LTBP1: variants seen among roughly 807,000 people sequenced by gnomAD.
The protein encoded by LTBP1 is latent-transforming growth factor beta-binding protein 1.
A neutral mutation model predicts 207.6 loss-of-function variants in LTBP1; 129 were observed. The observed-to-expected ratio is 0.62, with a 90% CI of 0.54 to 0.72. LTBP1 has a LOEUF of 0.72. Ranked by LOEUF, LTBP1 falls within the 30% of genes least tolerant of loss-of-function variation. LTBP1 has a pLI of 0.00. For missense variants in LTBP1, 2,281 were observed against 2,217.2 expected, an observed-to-expected ratio of 1.03 and a Z score of -0.58; for synonymous variants, 963 against 833.7, an observed-to-expected ratio of 1.16 and a Z score of -2.67.
At chr2:33,233,424 T>C (rs2091894683) in intron 9 of LTBP1, among the ~76,000 whole-genome samples, 2 of 152,208 alleles carry the variant, frequency 1.3e-5, no homozygotes, top group Non-Finnish European at 2.9e-5. Flanking sequence ...TTCATTTAAC[T>C]GGTTAAGGTA....
intron 4 of LTBP1, among the ~76,000 whole-genome samples, chr2:33,118,661 A>C (rs1188047089): frequency 2.6e-5 from 4 of 152,238 alleles, no homozygotes; most frequent in African/African-American, 9.6e-5. Context: ...AATGTGGATG[A>C]ACAGGGTTCT....
At position 32,999,952 on chromosome 2, in the gene LTBP1, T is replaced by G. The variant is rs1034104406; in HGVS notation, c.566-20957T>G. On this transcript the variant is annotated intron_variant, in intron 2 of 33. Coordinates refer to ENST00000404816, the MANE Select transcript of LTBP1 (RefSeq NM_206943.4). ...GTATCTGGCACCAGGCCACAGTGCT[T>G]CTCACACCTGATGTATGTAAGAGTC... 1.2e-4 allele frequency among the ~76,000 whole-genome samples: 16 copies of G among 134,682 alleles called. 1 individual carries two copies. Among genetic ancestry groups the G allele is most frequent in the African/African-American group, 3.9e-4 (15 of 38,600 alleles). 88.4% of individuals were successfully genotyped at this position (134,682 alleles called of 152,430 possible). A position where few individuals can be genotyped will look rare whatever the true frequency, so the allele number is the denominator to read the frequency against.
At chr2:33,186,786 T>G in intron 5 of LTBP1, 70 bp from the exon 6 acceptor site, 1 of 1,197,734 alleles carries the variant, frequency 8.3e-7, no homozygotes. Flanking sequence ...TTTGCAGGTT[T>G]TGTTGGTTGA....
rs778030280 is a variant in LTBP1 at position 33,363,569 on chromosome 2, A to G, written c.4399+51A>G. The G allele has an allele frequency of 7.7e-6, 12 of 1,556,164 alleles. No homozygotes were observed. In the African/African-American group the frequency reaches 1.5e-4, roughly 19 times the overall value. On this transcript the variant is annotated intron_variant, in intron 29 of 33. Transcript: ENST00000404816. ...GTGTACTGTGAAAATATACAGATGG[A>G]AAAAATAACTATGCTATGTAGTAAA... is the stretch of plus-strand genomic sequence containing the variant.
chr2:33,236,793 A>G (rs934744911), intron 9 of LTBP1, among the ~76,000 whole-genome samples: 2 of 152,238 alleles, frequency 1.3e-5, no homozygotes, highest in African/African-American at 4.8e-5. Context: ...TCATGAATCC[A>G]AGACCAACAG....
intron 25 of LTBP1, among the ~76,000 whole-genome samples, chr2:33,347,043 G>A (rs752011373): frequency 2.6e-5 from 4 of 151,024 alleles, no homozygotes; most frequent in African/African-American, 7.3e-5. Flanking sequence ...GCGTGAACCC[G>A]GGAGGCAGAG....
In LTBP1 at chr2:32,985,325, C is replaced by T. The variant is rs78252363; in HGVS notation, c.566-35584C>T. 8.7e-3 allele frequency among the ~76,000 whole-genome samples: 1,322 copies of T among 152,230 alleles called. 8 individuals are homozygous for T. Among genetic ancestry groups the T allele is most frequent in the Middle Eastern group, 0.02 (6 of 294 alleles). ...GCTGACAGCTCTACATGGATTACTT[C>T]AGGTAATCGCTACAGTAAGCCCATG... On this transcript the variant is annotated intron_variant, in intron 2 of 33. Coordinates refer to ENST00000404816, the MANE Select transcript of LTBP1 (RefSeq NM_206943.4).
At chr2:33,220,371 T>C (rs2091021293) in intron 8 of LTBP1, among the ~76,000 whole-genome samples, 1 of 152,248 alleles carries the variant, frequency 6.6e-6, no homozygotes. Context: ...AACTTTAGTT[T>C]TCAAGTGGCT....
At chr2:33,256,724 C>CCA (rs2092864053) in intron 11 of LTBP1, among the ~76,000 whole-genome samples, 1 of 68,840 alleles carries the variant, frequency 1.5e-5, no homozygotes, top group Non-Finnish European at 2.8e-5. Context: ...GGAGGGCTAA[C>CCA]TATATATATA....
intron 3 of LTBP1, among the ~76,000 whole-genome samples, chr2:33,032,250 C>T (rs1446693331): frequency 1.3e-5 from 2 of 152,270 alleles, no homozygotes; most frequent in African/African-American, 4.8e-5. Flanking sequence ...ATTCATCAAC[C>T]CATAATCAAA....
At chr2:33,116,335 T>C (rs922458519) in intron 4 of LTBP1, among the ~76,000 whole-genome samples, 5 of 152,270 alleles carry the variant, frequency 3.3e-5, no homozygotes, top group South Asian at 2.1e-4. Context: ...AGGTTACTTA[T>C]ATTTCAAAGT....
At chr2:33,210,357 C>T (rs555091712) in intron 7 of LTBP1, among the ~76,000 whole-genome samples, 12 of 152,236 alleles carry the variant, frequency 7.9e-5, no homozygotes, top group African/African-American at 2.9e-4. Context: ...AGTATAGTTT[C>T]TTCCTTTTCC....
chr2:33,284,817 C>A (rs568036055), intron 19 of LTBP1, among the ~76,000 whole-genome samples: 12 of 152,164 alleles, frequency 7.9e-5, no homozygotes, highest in Non-Finnish European at 7.3e-5. Context: ...GTTTTATTAT[C>A]TGTAAAATGG....
At chr2:32,963,128 G>A (rs1379245977) in intron 2 of LTBP1, among the ~76,000 whole-genome samples, 1 of 152,204 alleles carries the variant, frequency 6.6e-6, no homozygotes, top group Admixed American at 6.5e-5. Context: ...AAAGCCCAGT[G>A]GAATGGATCA....
chr2:32,969,434 C>G (rs924756797), intron 2 of LTBP1, among the ~76,000 whole-genome samples: 37 of 152,010 alleles, frequency 2.4e-4, no homozygotes, highest in African/African-American at 8.2e-4. Context: ...TTTCCTATCT[C>G]CACCCTCACG....
intron 23 of LTBP1, among the ~76,000 whole-genome samples, chr2:33,312,696 C>G (rs1332215801): frequency 6.6e-6 from 1 of 151,810 alleles, no homozygotes; most frequent in South Asian, 2.1e-4. Context: ...AAAAAAAAGT[C>G]TAGGAATTCA....
At chr2:33,362,083 G>A (rs937243026) in intron 28 of LTBP1, among the ~76,000 whole-genome samples, 7 of 152,148 alleles carry the variant, frequency 4.6e-5, no homozygotes, top group African/African-American at 1.7e-4. Context: ...TAAAATAAAT[G>A]TGCGGCCTTT....
At chr2:33,053,594 T>C (rs1337988810) in intron 3 of LTBP1, among the ~76,000 whole-genome samples, 1 of 152,100 alleles carries the variant, frequency 6.6e-6, no homozygotes, top group Non-Finnish European at 1.5e-5. Flanking sequence ...CCTGGCTATT[T>C]TGCTGTATCC....
At chr2:33,044,290 G>A (rs569407130) in intron 3 of LTBP1, among the ~76,000 whole-genome samples, 34 of 151,970 alleles carry the variant, frequency 2.2e-4, no homozygotes, top group Admixed American at 3.9e-4. Flanking sequence ...ACAGGCCCTG[G>A]TGTGTGATGT....
Sources: gnomAD v4.1 joint callset for allele counts (sites outside exome capture counted in the v4.1 genomes callset) on GRCh38, gnomAD v4.1.1 for gene constraint, MANE v1.5 for transcripts, NCBI Gene and HGNC (gene_info 2026-07-23, HGNC 2026-07-21) for gene names.